CADPS2: variants seen among roughly 807,000 people sequenced by gnomAD.
CADPS2 encodes calcium dependent secretion activator 2, also known as calcium-dependent secretion activator 2.
Under a neutral mutation model 172.5 loss-of-function variants are expected in CADPS2, and 93 were observed. The ratio of observed to expected loss-of-function variants is 0.54; its 90% CI spans 0.46 to 0.64. The LOEUF (loss-of-function observed/expected upper bound fraction) is 0.64, where lower values mean the gene tolerates loss of function less well. Among genes scored for constraint, CADPS2 ranks in the 30% least tolerant of loss-of-function variants. The pLI is 0.00. For synonymous variants in CADPS2, 546 were observed against 555.2 expected (o/e 0.98, Z 0.23); for missense variants, 1,420 against 1,565.9 (o/e 0.91, Z 1.57).
At chr7:122,519,877 G>A (rs1272728455) in intron 8 of CADPS2, among the ~76,000 whole-genome samples, 1 of 151,514 alleles carries the variant, frequency 6.6e-6, no homozygotes, top group African/African-American at 2.4e-5. Flanking sequence ...TTTTTTAAAG[G>A]AAATGGCCAG....
At chr7:122,749,961 T>TC (rs2092879518) in intron 1 of CADPS2, among the ~76,000 whole-genome samples, 1 of 133,948 alleles carries the variant, frequency 7.5e-6, no homozygotes, top group African/African-American at 2.8e-5. Flanking sequence ...CCTGTGAGGT[T>TC]AAAAAAAAAA....
intron 11 of CADPS2, among the ~76,000 whole-genome samples, chr7:122,485,527 G>A (rs143599076): frequency 2.0e-4 from 31 of 152,338 alleles, no homozygotes; most frequent in Non-Finnish European, 3.8e-4. Context: ...GCTGAGAGAG[G>A]TGAAGAAGCC....
At position 122,555,400 on chromosome 7, in the gene CADPS2, C is replaced by T. The variant is rs185264629; in HGVS notation, c.1336-711G>A. On this transcript the variant is annotated intron_variant, in intron 7 of 29. Transcript: ENST00000449022. ...CCATGCAGATAACACAAGGTATTCTCCCCCTTTTAAAATCAGTTATGACAT... is the reference window on the plus strand; with the variant it reads ...CCATGCAGATAACACAAGGTATTCTTCCCCTTTTAAAATCAGTTATGACAT... Among the ~76,000 whole-genome samples, 474 of 152,174 alleles carry T rather than the reference C, an allele frequency of 3.1e-3. 5 individuals carry two copies. The highest frequency in any genetic ancestry group is 0.011 in the African/African-American group (459 of 41,558).
intron 1 of CADPS2, among the ~76,000 whole-genome samples, chr7:122,750,745 T>A (rs149543835): frequency 1.0e-3 from 156 of 152,250 alleles, no homozygotes; most frequent in African/African-American, 3.4e-3. Flanking sequence ...GAAGAGCTTT[T>A]TTTAAAAAAT....
At chr7:122,863,046 T>C (rs1432921271) in intron 1 of CADPS2, among the ~76,000 whole-genome samples, 1 of 152,166 alleles carries the variant, frequency 6.6e-6, no homozygotes, top group Non-Finnish European at 1.5e-5. Flanking sequence ...GCATATAGCC[T>C]TAAAATCAAG....
At chr7:122,507,563 G>A (rs949796043) in intron 9 of CADPS2, among the ~76,000 whole-genome samples, 6 of 152,110 alleles carry the variant, frequency 3.9e-5, no homozygotes, top group Admixed American at 3.3e-4. Context: ...GAGGAAGCTT[G>A]AGGCCAGAAT....
intron 8 of CADPS2, among the ~76,000 whole-genome samples, chr7:122,552,896 C>T (rs979295665): frequency 6.6e-6 from 1 of 151,410 alleles, no homozygotes; most frequent in Admixed American, 6.6e-5. Context: ...TGTAACTCTA[C>T]TAGTCTCTAA....
At chr7:122,801,206 G>C (rs1797579103) in intron 1 of CADPS2, among the ~76,000 whole-genome samples, 1 of 152,098 alleles carries the variant, frequency 6.6e-6, no homozygotes, top group Non-Finnish European at 1.5e-5. Flanking sequence ...ATGTTCAACT[G>C]TAAGACTAAC....
intron 1 of CADPS2, among the ~76,000 whole-genome samples, chr7:122,737,360 G>T (rs1172874286): frequency 6.6e-6 from 1 of 152,048 alleles, no homozygotes; most frequent in Admixed American, 6.6e-5. Flanking sequence ...GAGTAACTGG[G>T]ATTATGGTGC....
intron 1 of CADPS2, among the ~76,000 whole-genome samples, chr7:122,763,537 T>A (rs938336019): frequency 6.6e-6 from 1 of 152,184 alleles, no homozygotes; most frequent in African/African-American, 2.4e-5. Context: ...ATCATATCCA[T>A]CGTCAAAATG....
chr7:122,812,271 T>G (rs1329795825), intron 1 of CADPS2, among the ~76,000 whole-genome samples: 2 of 152,090 alleles, frequency 1.3e-5, no homozygotes, highest in African/African-American at 4.8e-5. Context: ...GCACTTATTC[T>G]GGTTAGCTAT....
At chr7:122,465,416 G>T (rs2055003710) in intron 14 of CADPS2, among the ~76,000 whole-genome samples, 1 of 152,160 alleles carries the variant, frequency 6.6e-6, no homozygotes, top group Non-Finnish European at 1.5e-5. Context: ...GCTGTGGACT[G>T]GTACCAATCC....
chr7:122,357,312 G>A (rs1253825913), intron 27 of CADPS2: 1 of 152,062 alleles, frequency 6.6e-6, no homozygotes, highest in African/African-American at 2.4e-5. Context: ...ATCAACCAGA[G>A]TACAATGCTT....
intron 15 of CADPS2, among the ~76,000 whole-genome samples, chr7:122,449,411 G>A (rs1375969094): frequency 2.6e-5 from 4 of 152,002 alleles, no homozygotes; most frequent in Admixed American, 6.6e-5. Context: ...GACTTCCCAG[G>A]CTCAAGTGAT....
intron 1 of CADPS2, among the ~76,000 whole-genome samples, chr7:122,806,050 C>A (rs1798731288): frequency 6.6e-6 from 1 of 152,136 alleles, no homozygotes; most frequent in Non-Finnish European, 1.5e-5. Flanking sequence ...ATGATCATTT[C>A]TGAAAATATA....
At chr7:122,630,048 T>C (rs1305798412) in intron 3 of CADPS2, among the ~76,000 whole-genome samples, 1 of 152,182 alleles carries the variant, frequency 6.6e-6, no homozygotes, top group Non-Finnish European at 1.5e-5. Context: ...TTTTCACCCA[T>C]TCACTCAATA....
chr7:122,702,476 A>G, intron 2 of CADPS2: 1 of 1,613,726 alleles, frequency 6.2e-7, no homozygotes. Context: ...GGGCCTGCTG[A>G]AATTGGTCAA....
chr7:122,824,801 T>C (rs1804414374), intron 1 of CADPS2, among the ~76,000 whole-genome samples: 2 of 152,206 alleles, frequency 1.3e-5, no homozygotes. Context: ...ATGATTTTAT[T>C]TTTTATATTT....
rs1554688696 is a variant in CADPS2 at position 122,645,681 on chromosome 7, A to ATCTCTC, written c.787-16354_787-16353insGAGAGA. ...AAGATATATATATATATATATATATATCTTGGGATTTTGCTCTTAGTTAGA... is the reference window on the plus strand; with the variant it reads ...AAGATATATATATATATATATATATATCTCTCTCTTGGGATTTTGCTCTTAGTTAGA... On this transcript the variant is annotated intron_variant, in intron 3 of 29. Transcript: ENST00000449022. Among the ~76,000 whole-genome samples the ATCTCTC allele has an allele frequency of 8.8e-3, 1,033 of 116,818 alleles. 8 individuals carry two copies. Among genetic ancestry groups the ATCTCTC allele is most frequent in the Admixed American group, 0.014 (152 of 10,800 alleles). The allele number at this position is 116,818 out of a possible 152,430, so 76.6% of individuals were successfully genotyped here.
Sources: allele counts gnomAD v4.1 joint callset (sites outside exome capture counted in the v4.1 genomes callset), GRCh38; gene constraint gnomAD v4.1.1; transcripts MANE v1.5; gene names NCBI Gene and HGNC (gene_info 2026-07-23, HGNC 2026-07-21).